NRG1: variants seen among roughly 807,000 people sequenced by gnomAD.
NRG1 encodes neuregulin 1.
A neutral mutation model predicts 63.8 loss-of-function variants in NRG1; 18 were observed. The observed-to-expected ratio is 0.28, with a 90% CI of 0.19 to 0.42. NRG1 has a LOEUF of 0.42. Among genes scored for constraint, NRG1 ranks in the 10% least tolerant of loss-of-function variants. The pLI is 1.00. For synonymous variants in NRG1, 302 were observed against 301.3 expected, an observed-to-expected ratio of 1.00 and a Z score of -0.02; for missense variants, 762 against 814.7, an observed-to-expected ratio of 0.94 and a Z score of 0.79.
At position 31,848,264 on chromosome 8, in the gene NRG1, A is replaced by G. The variant is rs17605151; in HGVS notation, c.37+208833A>G. ...AGATTTTTAAAGTTTTCGAAATTAT[A>G]TAACTAGATGACTGCTCTCAAAATT... On this transcript the variant is annotated intron_variant, in intron 1 of 10. Transcript: ENST00000519301. 7.6e-3 allele frequency among the ~76,000 whole-genome samples: 1,152 copies of G among 152,318 alleles called. 8 individuals are homozygous for G. The highest frequency in any genetic ancestry group is 0.013 in the Non-Finnish European group (866 of 68,028).
intron 7 of NRG1, among the ~76,000 whole-genome samples, chr8:32,753,191 T>A (rs1829052721): frequency 6.6e-6 from 1 of 152,212 alleles, no homozygotes; most frequent in South Asian, 2.1e-4. Context: ...CTTACACTGC[T>A]TATTTCATAC....
intron 1 of NRG1, among the ~76,000 whole-genome samples, chr8:32,483,116 A>C (rs1178692135): frequency 6.6e-6 from 1 of 152,156 alleles, no homozygotes; most frequent in Non-Finnish European, 1.5e-5. Context: ...AACTGACATG[A>C]ATATGTGTGT....
intron 1 of NRG1, among the ~76,000 whole-genome samples, chr8:31,980,272 CAGGAA>C (rs982245647): frequency 6.6e-6 from 1 of 151,982 alleles, no homozygotes; most frequent in Non-Finnish European, 1.5e-5. Context: ...CAGAATCTTT[CAGGAA>C]ATGTCCTTTA....
intron 1 of NRG1, among the ~76,000 whole-genome samples, chr8:32,332,720 C>T (rs749135719): frequency 6.6e-6 from 1 of 152,084 alleles, no homozygotes; most frequent in South Asian, 2.1e-4. Flanking sequence ...AGAAAAAAGG[C>T]TAGGATTCTA....
chr8:32,501,325 TTCTGAAAA>T (rs1827826377), intron 1 of NRG1, among the ~76,000 whole-genome samples: 1 of 152,206 alleles, frequency 6.6e-6, no homozygotes, highest in African/African-American at 2.4e-5. Context: ...TTTATATGAT[TTCTGAAAA>T]ATCAAAATCA....
At chr8:31,953,928 G>A (rs1211907054) in intron 1 of NRG1, among the ~76,000 whole-genome samples, 3 of 152,050 alleles carry the variant, frequency 2.0e-5, no homozygotes, top group Non-Finnish European at 4.4e-5. Context: ...TCTGATTTGG[G>A]GCAGGCTACT....
intron 7 of NRG1, among the ~76,000 whole-genome samples, chr8:32,753,082 C>T (rs1829037231): frequency 6.6e-6 from 1 of 152,186 alleles, no homozygotes; most frequent in Non-Finnish European, 1.5e-5. Context: ...TGGAAATATG[C>T]TTTGAGGTTC....
intron 1 of NRG1, among the ~76,000 whole-genome samples, chr8:32,197,504 ACCTTTTG>A (rs1311949166): frequency 1.3e-5 from 2 of 152,142 alleles, no homozygotes; most frequent in Admixed American, 6.5e-5. Context: ...AGGTTGCCTG[ACCTTTTG>A]CCTTTTGGCA....
intron 1 of NRG1, among the ~76,000 whole-genome samples, chr8:32,341,666 C>A (rs1400006413): frequency 6.6e-6 from 1 of 152,108 alleles, no homozygotes; most frequent in Non-Finnish European, 1.5e-5. Flanking sequence ...TTTTCCGTGT[C>A]CGTTCTCAGG....
intron 1 of NRG1, among the ~76,000 whole-genome samples, chr8:32,166,402 T>C (rs1166464055): frequency 1.3e-5 from 2 of 152,198 alleles, no homozygotes; most frequent in African/African-American, 4.8e-5. Context: ...GGAAATTGCC[T>C]CATTGTCATT....
At chr8:32,457,921 T>A (rs1821811432) in intron 1 of NRG1, among the ~76,000 whole-genome samples, 1 of 152,016 alleles carries the variant, frequency 6.6e-6, no homozygotes, top group Non-Finnish European at 1.5e-5. Context: ...AGCAACTTTT[T>A]TTTTTTTGTT....
At chr8:32,560,652 G>A (rs552616866) in intron 1 of NRG1, among the ~76,000 whole-genome samples, 1 of 152,208 alleles carries the variant, frequency 6.6e-6, no homozygotes, top group East Asian at 1.9e-4. Flanking sequence ...TATTTTTGTG[G>A]TTGAAATTTG....
intron 1 of NRG1, among the ~76,000 whole-genome samples, chr8:32,125,514 A>G (rs1191500363): frequency 6.6e-6 from 1 of 151,958 alleles, no homozygotes; most frequent in Non-Finnish European, 1.5e-5. Flanking sequence ...CAGAGTCAAT[A>G]TCACTATCCT....
chr8:32,048,564 A>G (rs1400172153), intron 1 of NRG1, among the ~76,000 whole-genome samples: 1 of 150,424 alleles, frequency 6.6e-6, no homozygotes, highest in East Asian at 2.0e-4. Context: ...CATAATGGTT[A>G]CACTAATTTC....
intron 1 of NRG1, among the ~76,000 whole-genome samples, chr8:32,502,228 G>A (rs974157963): frequency 6.6e-6 from 1 of 151,742 alleles, no homozygotes. Context: ...GCAGGAGCAG[G>A]AGCAACAGAG....
intron 1 of NRG1, among the ~76,000 whole-genome samples, chr8:32,419,156 A>G (rs919906506): frequency 6.6e-6 from 1 of 152,236 alleles, no homozygotes; most frequent in Non-Finnish European, 1.5e-5. Flanking sequence ...GTGGAAATAT[A>G]CAAACGCTAA....
intron 1 of NRG1, among the ~76,000 whole-genome samples, chr8:31,720,620 G>A (rs758787402): frequency 2.6e-5 from 4 of 152,034 alleles, no homozygotes; most frequent in Admixed American, 2.0e-4. Context: ...TAGGCAAACC[G>A]TTTTTTTGTT....
chr8:31,681,268 C>A (rs1015662826), intron 1 of NRG1, among the ~76,000 whole-genome samples: 2 of 152,080 alleles, frequency 1.3e-5, no homozygotes, highest in Non-Finnish European at 2.9e-5. Context: ...ATACAAAAAG[C>A]ATGAACCATA....
At chr8:31,779,035 A>G (rs1014540639) in intron 1 of NRG1, among the ~76,000 whole-genome samples, 1 of 152,226 alleles carries the variant, frequency 6.6e-6, no homozygotes, top group African/African-American at 2.4e-5. Context: ...TCCACTGCTG[A>G]AAAATGAGAG....
Sources: allele counts gnomAD v4.1 joint callset (sites outside exome capture counted in the v4.1 genomes callset), GRCh38; gene constraint gnomAD v4.1.1; transcripts MANE v1.5; gene names NCBI Gene and HGNC (gene_info 2026-07-23, HGNC 2026-07-21).